Variants in TRIM44 observed in about 807,000 individuals in gnomAD.
TRIM44 encodes tripartite motif-containing protein 44.
Under a neutral mutation model 37.4 loss-of-function variants are expected in TRIM44, and 13 were observed. That is an observed-to-expected ratio of 0.35 (90% CI 0.23 to 0.55). The LOEUF (loss-of-function observed/expected upper bound fraction) is 0.55. Ranked by LOEUF, TRIM44 falls within the 20% of genes least tolerant of loss-of-function variation. The probability of loss-of-function intolerance (pLI) is 0.89; values close to 1 mark genes in which losing one functional copy is unlikely to be tolerated. For missense variants in TRIM44, 426 were observed against 437.2 expected, an observed-to-expected ratio of 0.97 and a Z score of 0.23; for synonymous variants, 175 against 157.2, an observed-to-expected ratio of 1.11 and a Z score of -0.85.
chr11:35,703,595 G>C (rs1040953712), intron 2 of TRIM44, among the ~76,000 whole-genome samples: 1 of 152,142 alleles, frequency 6.6e-6, no homozygotes, highest in African/African-American at 2.4e-5. Context: ...GGCAGCATTC[G>C]CGGTTCACAA....
At chr11:35,670,897 A>T (rs1851386236) in intron 1 of TRIM44, among the ~76,000 whole-genome samples, 1 of 152,194 alleles carries the variant, frequency 6.6e-6, no homozygotes, top group South Asian at 2.1e-4. Flanking sequence ...GAAGCTGCTC[A>T]TTTTGATTCG....
rs1853487490 is a variant in TRIM44 at position 35,808,703 on chromosome 11, T to G, written c.*2318T>G. 6.6e-6 allele frequency: 1 copy of G among 152,252 alleles called. No homozygotes were observed. The allele number at this position is 152,252 out of a possible 1,614,324, so 9.4% of individuals were successfully genotyped here. A position where few individuals can be genotyped will look rare whatever the true frequency, so the allele number is the denominator to read the frequency against. ...TCAGATTTGCTTTATAGACTCCTGCTGTCTTCAGTACCTGATAAAACTTTA... is the reference window on the plus strand; with the variant it reads ...TCAGATTTGCTTTATAGACTCCTGCGGTCTTCAGTACCTGATAAAACTTTA... On this transcript the variant is annotated 3_prime_UTR_variant, in exon 5 of 5. Coordinates refer to ENST00000299413, the MANE Select transcript of TRIM44 (RefSeq NM_017583.6).
chr11:35,790,107 A>G (rs1265223888), intron 4 of TRIM44, among the ~76,000 whole-genome samples: 1 of 152,058 alleles, frequency 6.6e-6, no homozygotes, highest in East Asian at 1.9e-4. Flanking sequence ...CCTAGTCCTG[A>G]CCCTTTAAAG....
chr11:35,691,575 A>T (rs1851636488), intron 2 of TRIM44, among the ~76,000 whole-genome samples: 2 of 152,198 alleles, frequency 1.3e-5, no homozygotes, highest in Admixed American at 1.3e-4. Context: ...AGTTGGGCAA[A>T]ATAATCTAAC....
chr11:35,755,577 C>T (rs1316794959), intron 4 of TRIM44, among the ~76,000 whole-genome samples: 1 of 152,132 alleles, frequency 6.6e-6, no homozygotes, highest in Non-Finnish European at 1.5e-5. Context: ...GAAGTCCTTG[C>T]CCATGCCTAT....
At chr11:35,731,699 A>C (rs1205647870) in intron 3 of TRIM44, among the ~76,000 whole-genome samples, 2 of 152,016 alleles carry the variant, frequency 1.3e-5, no homozygotes, top group Non-Finnish European at 2.9e-5. Flanking sequence ...GTGTGTCTTT[A>C]TTTATATGTC....
At chr11:35,687,481 A>G (rs1488658818) in intron 2 of TRIM44, among the ~76,000 whole-genome samples, 3 of 152,228 alleles carry the variant, frequency 2.0e-5, no homozygotes, top group Admixed American at 6.5e-5. Flanking sequence ...AGTTACTGAA[A>G]GCTTTTCTTA....
At position 35,684,383 on chromosome 11, in the gene TRIM44, C is replaced by T. The variant is rs115331760; in HGVS notation, c.670-876C>T. The stretch of plus-strand genomic sequence containing the variant: ...TGGCAGTTATAAAATTATATACATA[C>T]GCTTGCATTTGGGACTCACATTAGT... On this transcript the variant is annotated intron_variant, in intron 1 of 4. Coordinates refer to ENST00000299413, the MANE Select transcript of TRIM44 (RefSeq NM_017583.6). Among the ~76,000 whole-genome samples the T allele has an allele frequency of 5.5e-3, 833 of 152,254 alleles. 10 individuals are homozygous for T. The highest frequency in any genetic ancestry group is 0.019 in the African/African-American group (790 of 41,544).
At chr11:35,797,461 CTG>C (rs1209827709) in intron 4 of TRIM44, among the ~76,000 whole-genome samples, 2 of 152,152 alleles carry the variant, frequency 1.3e-5, no homozygotes, top group African/African-American at 4.8e-5. Context: ...AGAGAATACA[CTG>C]TGGGAATGGG....
chr11:35,765,503 G>A (rs1179222492), intron 4 of TRIM44, among the ~76,000 whole-genome samples: 1 of 152,218 alleles, frequency 6.6e-6, no homozygotes, highest in East Asian at 1.9e-4. Context: ...GTGACAGGTA[G>A]AGAATGGACA....
At chr11:35,794,269 C>T (rs1853253783) in intron 4 of TRIM44, among the ~76,000 whole-genome samples, 1 of 152,166 alleles carries the variant, frequency 6.6e-6, no homozygotes, top group South Asian at 2.1e-4. Context: ...CATCTCTCTC[C>T]CTTCATAGAC....
At chr11:35,740,253 C>T (rs745905083) in intron 4 of TRIM44, among the ~76,000 whole-genome samples, 1 of 151,416 alleles carries the variant, frequency 6.6e-6, no homozygotes, top group Non-Finnish European at 1.5e-5. Context: ...CAGGTTGGCT[C>T]CTTCTCTACT....
intron 2 of TRIM44, among the ~76,000 whole-genome samples, chr11:35,690,162 C>G (rs980418922): frequency 2.0e-5 from 3 of 152,130 alleles, no homozygotes; most frequent in Non-Finnish European, 4.4e-5. Flanking sequence ...TTTCCTCTAG[C>G]CTCTAGAGGT....
At chr11:35,676,615 G>C (rs892189667) in intron 1 of TRIM44, among the ~76,000 whole-genome samples, 3 of 152,170 alleles carry the variant, frequency 2.0e-5, no homozygotes, top group African/African-American at 7.2e-5. Context: ...AGAAGCAGAG[G>C]GGAGGTGGGG....
chr11:35,781,532 G>A (rs1283375824), intron 4 of TRIM44, among the ~76,000 whole-genome samples: 1 of 152,178 alleles, frequency 6.6e-6, no homozygotes, highest in Non-Finnish European at 1.5e-5. Flanking sequence ...AGATATGCCA[G>A]AGTCAGTGGG....
chr11:35,766,534 T>C (rs888241028), intron 4 of TRIM44, among the ~76,000 whole-genome samples: 16 of 152,240 alleles, frequency 1.1e-4, no homozygotes, highest in African/African-American at 3.4e-4. Context: ...AGAGTGCTCC[T>C]ACATGCCCAC....
Position 35,817,888 on chromosome 11 carries a change from T to TGA in TRIM44, c.*11503_*11504insGA, listed in dbSNP as rs1853597431. 6.6e-6 allele frequency: 1 copy of TGA among 152,162 alleles called. No homozygotes were observed. The highest frequency in any genetic ancestry group is 1.5e-5 in the Non-Finnish European group (1 of 68,056). The allele number at this position is 152,162 out of a possible 1,614,324, so 9.4% of individuals were successfully genotyped here. ...GGCCATGTAAAGTGCTCACTCCCCC[T>TGA]TTGCCTTCCACCATGATTGTAAGTT... On this transcript the variant is annotated 3_prime_UTR_variant, in exon 5 of 5. Transcript: ENST00000299413.
intron 1 of TRIM44, among the ~76,000 whole-genome samples, chr11:35,673,417 T>C: frequency 6.6e-6 from 1 of 152,224 alleles, no homozygotes; most frequent in Non-Finnish European, 1.5e-5. Flanking sequence ...GAAGGGTTAG[T>C]TGGCTCTGTA....
Position 35,813,134 on chromosome 11 carries a change from G to T in TRIM44, c.*6749G>T, listed in dbSNP as rs995512790. On this transcript the variant is annotated 3_prime_UTR_variant, in exon 5 of 5. Coordinates refer to ENST00000299413, the MANE Select transcript of TRIM44 (RefSeq NM_017583.6). ...TCACTTACTGAGTTCAGCTGTCACG[G>T]CCACAGCATACCATTTGCCTTATAA... 1 of 152,170 alleles carries T rather than the reference G, an allele frequency of 6.6e-6. No individual in the cohort carries two copies. Among genetic ancestry groups the T allele is most frequent in the Non-Finnish European group, 1.5e-5 (1 of 68,040 alleles). 9.4% of individuals were successfully genotyped at this position (152,170 alleles called of 1,614,324 possible). A position where few individuals can be genotyped will look rare whatever the true frequency, so the allele number is the denominator to read the frequency against.
Sources: gnomAD v4.1 joint callset for allele counts (sites outside exome capture counted in the v4.1 genomes callset) on GRCh38, gnomAD v4.1.1 for gene constraint, MANE v1.5 for transcripts, NCBI Gene and HGNC (gene_info 2026-07-23, HGNC 2026-07-21) for gene names.